Variants in SMYD4 observed in about 807,000 individuals in gnomAD.
SMYD4 encodes the protein SET and MYND domain containing 4, also known as protein-lysine N-methyltransferase SMYD4.
SMYD4 carries 68 observed loss-of-function variants against 72.8 expected under a neutral mutation model. That is an observed-to-expected ratio of 0.93 (90% CI 0.77 to 1.14). The LOEUF is 1.14. SMYD4 is among the 50% of genes most tolerant of loss of function. The pLI is 0.00. For synonymous variants in SMYD4, 407 were observed against 388.6 expected, an observed-to-expected ratio of 1.05 and a Z score of -0.56; for missense variants, 984 against 1,003.7, an observed-to-expected ratio of 0.98 and a Z score of 0.27.
Position 1,796,026 on chromosome 17 carries a change from CATAG to C in SMYD4, c.1537+3827_1537+3830del, listed in dbSNP as rs1040677115. Among the ~76,000 whole-genome samples, 170 of 152,214 alleles carry C rather than the reference CATAG, an allele frequency of 1.1e-3. 1 individual carries two copies. Among genetic ancestry groups the C allele is most frequent in the African/African-American group, 3.7e-3 (152 of 41,536 alleles). Reference sequence around the variant, plus strand: ...AATTATGCATAAAACATTAGAACCTCATAGATAAAGCCGATGTCTCCAAACCACT... The same window carrying C: ...AATTATGCATAAAACATTAGAACCTCATAAAGCCGATGTCTCCAAACCACT... On this transcript the variant is annotated intron_variant, in intron 5 of 10. Transcript: ENST00000305513.
intron 9 of SMYD4, 65 bp downstream of exon 9, chr17:1,783,295 G>C: frequency 1.2e-6 from 2 of 1,610,238 alleles, no homozygotes; most frequent in South Asian, 1.1e-5. Flanking sequence ...AGACAAGGCC[G>C]GGGCCACGGC....
chr17:1,786,745 C>G, intron 7 of SMYD4, 65 bp downstream of exon 7: 1 of 1,599,322 alleles, frequency 6.3e-7, no homozygotes, highest in African/African-American at 1.3e-5. Context: ...CTCCTAAACA[C>G]TGATCACCCT....
chr17:1,819,560 T>C (rs1419938476), intron 2 of SMYD4, among the ~76,000 whole-genome samples: 4 of 152,312 alleles, frequency 2.6e-5, no homozygotes, highest in South Asian at 2.1e-4. Context: ...TTTGAGATCA[T>C]GTGAAGAGCC....
intron 5 of SMYD4, among the ~76,000 whole-genome samples, chr17:1,791,116 C>CAA (rs56079708): frequency 0.055 from 4,729 of 86,110 alleles, 437 homozygotes; most frequent in African/African-American, 0.15. Flanking sequence ...TGGCCCGTCT[C>CAA]AAAAAAAAAA....
chr17:1,806,884 C>T (rs1203839128), intron 3 of SMYD4, among the ~76,000 whole-genome samples: 2 of 151,920 alleles, frequency 1.3e-5, no homozygotes, highest in Admixed American at 6.6e-5. Flanking sequence ...AAATGACATA[C>T]ATACAAGGGT....
chr17:1,829,570 A>ACCCCCCCCCCC (rs17291703), intron 1 of SMYD4, 156 bp downstream of exon 1: 2 of 148,132 alleles, frequency 1.4e-5, no homozygotes, highest in African/African-American at 5.0e-5. Context: ...CCTTTCGGAG[A>ACCCCCCCCCCC]CCCCCCACCC....
intron 5 of SMYD4, among the ~76,000 whole-genome samples, chr17:1,794,081 G>GTGTGTGTA (rs1454228796): frequency 1.2e-4 from 2 of 17,122 alleles, no homozygotes; most frequent in African/African-American, 4.9e-4. Flanking sequence ...ATATATATGT[G>GTGTGTGTA]TATATATATA....
intron 8 of SMYD4, chr17:1,783,770 G>T (rs1908504636): frequency 2.2e-6 from 1 of 459,502 alleles, no homozygotes; most frequent in African/African-American, 2.0e-5. Flanking sequence ...GATTTCTCTT[G>T]ACCCTGAAAT....
chr17:1,796,990 T>C (rs190955572), intron 5 of SMYD4, among the ~76,000 whole-genome samples: 7 of 152,324 alleles, frequency 4.6e-5, no homozygotes, highest in African/African-American at 1.4e-4. Flanking sequence ...TGTGATTTAG[T>C]AGTATCATGG....
chr17:1,821,506 C>G (rs1910889752), intron 2 of SMYD4, among the ~76,000 whole-genome samples: 2 of 152,052 alleles, frequency 1.3e-5, no homozygotes, highest in East Asian at 3.9e-4. Flanking sequence ...AAGAGCGAAA[C>G]TCTGTCTCAA....
In SMYD4 at chr17:1,816,143, C is replaced by T. The variant is rs1006168282; in HGVS notation, c.135-4028G>A. Among the ~76,000 whole-genome samples, 14 of 152,176 alleles carry T rather than the reference C, an allele frequency of 9.2e-5. 1 individual carries two copies. Among genetic ancestry groups the T allele is most frequent in the Admixed American group, 8.5e-4 (13 of 15,256 alleles). On this transcript the variant is annotated intron_variant, in intron 2 of 10. Transcript: ENST00000305513. The stretch of plus-strand genomic sequence containing the variant: ...TTAAACCATAACTCCTCATTCCTCC[C>T]TCTCCACATCCCCTGGCAAACTCCA...
At chr17:1,794,695 C>T (rs1187004365) in intron 5 of SMYD4, among the ~76,000 whole-genome samples, 2 of 150,354 alleles carry the variant, frequency 1.3e-5, no homozygotes, top group Non-Finnish European at 2.9e-5. Flanking sequence ...CTTTAATGCT[C>T]GTATGAAATC....
chr17:1,783,275 G>A lies in SMYD4; in HGVS notation c.2137+85C>T. The A allele has an allele frequency of 9.9e-6, 16 of 1,610,244 alleles. 1 individual carries two copies. Among genetic ancestry groups the A allele is most frequent in the Middle Eastern group, 2.1e-4 (1 of 4,680 alleles). On this transcript the variant is annotated intron_variant, in intron 9 of 10. Transcript: ENST00000305513. Reference sequence around the variant, plus strand: ...GCACCCTCAGTTTACAGAGCGGGGGGTAACCAGGCAGACAAGGCCGGGGCC... The same window carrying A: ...GCACCCTCAGTTTACAGAGCGGGGGATAACCAGGCAGACAAGGCCGGGGCC...
chr17:1,803,075 G>C (rs561353610), intron 4 of SMYD4, among the ~76,000 whole-genome samples: 11 of 152,234 alleles, frequency 7.2e-5, no homozygotes, highest in Admixed American at 2.0e-4. Flanking sequence ...CCGGGAGGCG[G>C]AGGTTGCAGT....
At chr17:1,825,237 A>G (rs971229770) in intron 2 of SMYD4, among the ~76,000 whole-genome samples, 1 of 152,216 alleles carries the variant, frequency 6.6e-6, no homozygotes, top group Non-Finnish European at 1.5e-5. Context: ...CCACCTGGAA[A>G]AAAAGTGAGA....
intron 3 of SMYD4, among the ~76,000 whole-genome samples, chr17:1,809,154 C>T (rs1461691410): frequency 1.3e-5 from 2 of 151,086 alleles, no homozygotes; most frequent in Non-Finnish European, 3.0e-5. Context: ...TGGAATTACA[C>T]GAGTGAGCCA....
intron 3 of SMYD4, among the ~76,000 whole-genome samples, chr17:1,807,495 G>T (rs1435576372): frequency 6.6e-6 from 1 of 151,834 alleles, no homozygotes; most frequent in East Asian, 1.9e-4. Flanking sequence ...TGAGTAGCTG[G>T]GAGTATAGGC....
intron 2 of SMYD4, among the ~76,000 whole-genome samples, chr17:1,825,279 G>A (rs1911104981): frequency 6.6e-6 from 1 of 152,004 alleles, no homozygotes; most frequent in African/African-American, 2.4e-5. Context: ...AAAATCAATT[G>A]GAGATGTATA....
chr17:1,794,005 A>ATATATG, intron 5 of SMYD4, among the ~76,000 whole-genome samples: 1 of 65,772 alleles, frequency 1.5e-5, no homozygotes, highest in Non-Finnish European at 3.6e-5. Context: ...GTATATATAT[A>ATATATG]TGTATATATA....
Sources: allele counts gnomAD v4.1 joint callset (sites outside exome capture counted in the v4.1 genomes callset), GRCh38; gene constraint gnomAD v4.1.1; transcripts MANE v1.5; gene names NCBI Gene and HGNC (gene_info 2026-07-23, HGNC 2026-07-21).